CCNY: variants seen among roughly 807,000 people sequenced by gnomAD.
CCNY encodes cyclin-Y.
In CCNY, 19 loss-of-function variants were observed where a neutral mutation model predicts 42.8. The ratio of observed to expected loss-of-function variants is 0.44; its 90% CI spans 0.31 to 0.65. CCNY has a LOEUF of 0.65. Ranked by LOEUF, CCNY falls within the 30% of genes least tolerant of loss-of-function variation. CCNY has a pLI of 0.07. For missense variants in CCNY, 370 were observed against 437.3 expected (o/e 0.85, Z 1.37); for synonymous variants, 165 against 162.7 (o/e 1.01, Z -0.11).
intron 7 of CCNY, among the ~76,000 whole-genome samples, chr10:35,547,156 C>T (rs1315131368): frequency 6.6e-6 from 1 of 152,126 alleles, no homozygotes; most frequent in Non-Finnish European, 1.5e-5. Context: ...GCTAGAATTC[C>T]ACTGAGCCTC....
chr10:35,509,211 G>A (rs894363400), intron 3 of CCNY, among the ~76,000 whole-genome samples: 2 of 152,128 alleles, frequency 1.3e-5, no homozygotes, highest in Non-Finnish European at 2.9e-5. Flanking sequence ...TTAACTCCAT[G>A]GGTATTTGCC....
At chr10:35,494,244 C>CCG (rs1554794914) in intron 2 of CCNY, among the ~76,000 whole-genome samples, 12 of 147,488 alleles carry the variant, frequency 8.1e-5, no homozygotes, top group Non-Finnish European at 1.1e-4. Context: ...ACCCCCCCCC[C>CCG]CATTTCTACA....
At chr10:35,322,568 C>A (rs1835833530) in intron 3 of CCNY, among the ~76,000 whole-genome samples, 2 of 152,072 alleles carry the variant, frequency 1.3e-5, no homozygotes, top group African/African-American at 4.8e-5. Flanking sequence ...AAAATGAAGA[C>A]AAGTCACAGA....
chr10:35,495,859 T>C (rs1463159803), intron 2 of CCNY, among the ~76,000 whole-genome samples: 1 of 152,226 alleles, frequency 6.6e-6, no homozygotes, highest in Non-Finnish European at 1.5e-5. Flanking sequence ...ATGTGCATTC[T>C]GAACAGGGGC....
chr10:35,348,307 G>A (rs748312914), intron 1 of CCNY, among the ~76,000 whole-genome samples: 2 of 152,192 alleles, frequency 1.3e-5, no homozygotes, highest in African/African-American at 2.4e-5. Flanking sequence ...TTTGGTGGTA[G>A]GGAGTCTGGA....
chr10:35,359,365 T>C (rs1300450066), intron 1 of CCNY, among the ~76,000 whole-genome samples: 1 of 152,208 alleles, frequency 6.6e-6, no homozygotes, highest in Non-Finnish European at 1.5e-5. Flanking sequence ...CCTGTACATA[T>C]TTGGAGCCAC....
intron 1 of CCNY, among the ~76,000 whole-genome samples, chr10:35,391,957 A>C (rs1294056907): frequency 6.8e-6 from 1 of 146,344 alleles, no homozygotes; most frequent in African/African-American, 2.6e-5. Context: ...GTTCCTAGTC[A>C]CAGGAATCGC....
chr10:35,391,513 T>C (rs1018544710), intron 1 of CCNY, among the ~76,000 whole-genome samples: 3 of 152,140 alleles, frequency 2.0e-5, no homozygotes, highest in African/African-American at 7.2e-5. Flanking sequence ...TTACTGAACC[T>C]AGAAGCAAGT....
intron 3 of CCNY, among the ~76,000 whole-genome samples, chr10:35,300,315 C>A (rs1381559291): frequency 6.6e-6 from 1 of 152,136 alleles, no homozygotes; most frequent in Non-Finnish European, 1.5e-5. Flanking sequence ...GCCTGAGATG[C>A]CACGCCCTGC....
At chr10:35,516,361 A>C (rs1454106309) in intron 3 of CCNY, among the ~76,000 whole-genome samples, 162 bp from the exon 4 acceptor site, 1 of 152,080 alleles carries the variant, frequency 6.6e-6, no homozygotes, top group Non-Finnish European at 1.5e-5. Flanking sequence ...AGTTCATTTT[A>C]TGAATAAAGT....
At position 35,263,664 on chromosome 10, in the gene CCNY, T is replaced by A. The variant is rs940700834; in HGVS notation, c.-9+13038T>A. Among the ~76,000 whole-genome samples the A allele has an allele frequency of 2.6e-5, 4 of 152,320 alleles. No homozygotes were observed. In the East Asian group the frequency reaches 7.7e-4, roughly 29 times the overall value. On this transcript the variant is annotated intron_variant, in intron 3 of 11. Coordinates refer to the CCNY transcript ENST00000374706. ...CATTTTTACTTTCTTTTTTAAATTATTTATATGTATATATTTTTATTCAAT... is the reference window on the plus strand; with the variant it reads ...CATTTTTACTTTCTTTTTTAAATTAATTATATGTATATATTTTTATTCAAT...
intron 1 of CCNY, among the ~76,000 whole-genome samples, chr10:35,478,327 C>T (rs1205266627): frequency 6.6e-6 from 1 of 151,994 alleles, no homozygotes; most frequent in African/African-American, 2.4e-5. Context: ...GCGCGCATCA[C>T]CAAGTCAATC....
Position 35,570,804 on chromosome 10 carries a change from C to G in CCNY, c.*1634C>G, listed in dbSNP as rs1444377564. On this transcript the variant is annotated 3_prime_UTR_variant, in exon 10 of 10. Transcript: ENST00000374704. ...GAAGGGACTCAGAAAGTCGAAATCCCAAGAACTCCAAGCCAAAAGTGTTAG... is the reference window on the plus strand; with the variant it reads ...GAAGGGACTCAGAAAGTCGAAATCCGAAGAACTCCAAGCCAAAAGTGTTAG... The G allele has an allele frequency of 6.6e-6, 1 of 152,338 alleles. No individual in the cohort carries two copies. Among genetic ancestry groups the G allele is most frequent in the African/African-American group, 2.4e-5 (1 of 41,450 alleles). 9.4% of individuals were successfully genotyped at this position (152,338 alleles called of 1,614,324 possible). A position where few individuals can be genotyped will look rare whatever the true frequency, so the allele number is the denominator to read the frequency against.
chr10:35,310,145 A>C (rs1215908805), intron 3 of CCNY, among the ~76,000 whole-genome samples: 1 of 152,146 alleles, frequency 6.6e-6, no homozygotes, highest in Non-Finnish European at 1.5e-5. Flanking sequence ...CAACTGTTTC[A>C]AGTTTCCTAC....
At chr10:35,409,595 C>G (rs1368319529) in intron 1 of CCNY, among the ~76,000 whole-genome samples, 1 of 152,102 alleles carries the variant, frequency 6.6e-6, no homozygotes, top group South Asian at 2.1e-4. Context: ...AAATGCAATT[C>G]TAAAATTAAA....
chr10:35,515,125 G>A (rs1454788307), intron 3 of CCNY, among the ~76,000 whole-genome samples: 2 of 152,182 alleles, frequency 1.3e-5, no homozygotes, highest in African/African-American at 2.4e-5. Context: ...TTTCACAAGC[G>A]TTCTCTATGC....
chr10:35,260,234 A>G (rs1302102858), intron 3 of CCNY, among the ~76,000 whole-genome samples: 2 of 152,190 alleles, frequency 1.3e-5, no homozygotes, highest in Non-Finnish European at 2.9e-5. Flanking sequence ...AGCTCTTCTC[A>G]GAGTCTGAGT....
chr10:35,543,146 G>T (rs1263519425), intron 7 of CCNY, among the ~76,000 whole-genome samples: 2 of 152,184 alleles, frequency 1.3e-5, no homozygotes, highest in African/African-American at 4.8e-5. Context: ...CTAATCGGGT[G>T]CAGCCTGCCA....
At chr10:35,541,399 A>T (rs1033538637) in intron 7 of CCNY, among the ~76,000 whole-genome samples, 3 of 152,088 alleles carry the variant, frequency 2.0e-5, no homozygotes, top group Non-Finnish European at 1.5e-5. Context: ...ACTGGTTATT[A>T]TTATTCTATT....
Sources: allele counts gnomAD v4.1 joint callset (sites outside exome capture counted in the v4.1 genomes callset), GRCh38; gene constraint gnomAD v4.1.1; transcripts MANE v1.5; gene names NCBI Gene and HGNC (gene_info 2026-07-23, HGNC 2026-07-21).